The following CCDC30 variants were observed in gnomAD, a reference collection of about 807,000 sequenced individuals.
CCDC30 encodes the protein coiled-coil domain containing 30, also known as coiled-coil domain-containing protein 30.
CCDC30 carries 70 observed loss-of-function variants against 100.2 expected under a neutral mutation model. That is an observed-to-expected ratio of 0.70 (90% CI 0.58 to 0.85). The LOEUF is 0.85. Ranked by LOEUF, CCDC30 falls within the 40% of genes least tolerant of loss-of-function variation. CCDC30 has a pLI of 0.00. For synonymous variants in CCDC30, 233 were observed against 269.5 expected, an observed-to-expected ratio of 0.86 and a Z score of 1.33; for missense variants, 652 against 771.2, an observed-to-expected ratio of 0.85 and a Z score of 1.83.
chr1:42,522,244 T>A (rs554218140), intron 6 of CCDC30, among the ~76,000 whole-genome samples: 8 of 152,196 alleles, frequency 5.3e-5, no homozygotes, highest in Non-Finnish European at 8.8e-5. Context: ...ATGGCAGATA[T>A]GGAACCCACA....
chr1:42,627,784 A>T (rs1407403827), intron 11 of CCDC30, among the ~76,000 whole-genome samples: 1 of 152,242 alleles, frequency 6.6e-6, no homozygotes, highest in East Asian at 1.9e-4. Context: ...ATTCAGGTTT[A>T]GGAACCTCCA....
intron 6 of CCDC30, among the ~76,000 whole-genome samples, chr1:42,538,410 A>G (rs1258406968): frequency 6.6e-6 from 1 of 152,044 alleles, no homozygotes; most frequent in Non-Finnish European, 1.5e-5. Flanking sequence ...ACTGAATATA[A>G]TTAAATAAGC....
At chr1:42,611,210 T>A in intron 11 of CCDC30, 120 bp downstream of exon 15, 1 of 554,552 alleles carries the variant, frequency 1.8e-6, no homozygotes, top group African/African-American at 1.9e-5. Flanking sequence ...AGGGCCATCA[T>A]AAAATTCCTA....
chr1:42,475,351 GT>G (rs556022127), intron 1 of CCDC30, among the ~76,000 whole-genome samples: 1 of 151,780 alleles, frequency 6.6e-6, no homozygotes, highest in Admixed American at 6.6e-5. Flanking sequence ...AAGAAAATGT[GT>G]TTTTTTTAGG....
intron 10 of CCDC30, among the ~76,000 whole-genome samples, chr1:42,601,188 A>G (rs1646398712): frequency 6.6e-6 from 1 of 152,264 alleles, no homozygotes. Flanking sequence ...AGAAATTTCA[A>G]AATATTTTGA....
chr1:42,554,243 A>G (rs1391405423), intron 6 of CCDC30, among the ~76,000 whole-genome samples: 2 of 148,990 alleles, frequency 1.3e-5, no homozygotes, highest in Non-Finnish European at 3.0e-5. Context: ...TTCATATGCA[A>G]TTATTCAAAG....
chr1:42,621,258 C>A (rs1646824097), intron 11 of CCDC30, among the ~76,000 whole-genome samples: 2 of 152,120 alleles, frequency 1.3e-5, no homozygotes, highest in South Asian at 4.1e-4. Context: ...ATGGGGTACT[C>A]ATCCCCTCAA....
chr1:42,495,369 GA>G (rs1304011566), intron 4 of CCDC30, among the ~76,000 whole-genome samples: 1 of 151,976 alleles, frequency 6.6e-6, no homozygotes, highest in Non-Finnish European at 1.5e-5. Flanking sequence ...GGTGGGGAGA[GA>G]GGGGAGGGAT....
intron 6 of CCDC30, among the ~76,000 whole-genome samples, 171 bp downstream of exon 9, chr1:42,545,750 C>T (rs1467733141): frequency 2.6e-5 from 4 of 151,850 alleles, no homozygotes; most frequent in Non-Finnish European, 5.9e-5. Flanking sequence ...AGTTTGAGAC[C>T]AGCCTGGGCA....
chr1:42,528,163 G>A (rs866697636), intron 6 of CCDC30, among the ~76,000 whole-genome samples: 3 of 152,104 alleles, frequency 2.0e-5, no homozygotes, highest in South Asian at 2.1e-4. Context: ...ACTGAGCCCG[G>A]CCTCCTCTAC....
intron 6 of CCDC30, among the ~76,000 whole-genome samples, chr1:42,563,204 C>G (rs1645531239): frequency 6.6e-6 from 1 of 152,122 alleles, no homozygotes; most frequent in Non-Finnish European, 1.5e-5. Flanking sequence ...GGAACCAACT[C>G]AAATGCCCAT....
chr1:42,547,555 A>G (rs577451305), intron 6 of CCDC30, among the ~76,000 whole-genome samples: 1 of 152,278 alleles, frequency 6.6e-6, no homozygotes, highest in South Asian at 2.1e-4. Flanking sequence ...TAGGGGTGGG[A>G]AACCTTGCCA....
intron 4 of CCDC30, chr1:42,491,956 A>G: frequency 1.1e-6 from 1 of 899,398 alleles, no homozygotes. Context: ...AGTCTTGCTG[A>G]TCTGCAGAAT....
At chr1:42,616,715 A>C (rs934087959) in intron 11 of CCDC30, among the ~76,000 whole-genome samples, 2 of 152,222 alleles carry the variant, frequency 1.3e-5, no homozygotes, top group African/African-American at 4.8e-5. Flanking sequence ...GAAAATCTAC[A>C]TGTTCTTCAG....
chr1:42,493,190 G>T (rs1165264827), intron 4 of CCDC30, among the ~76,000 whole-genome samples: 1 of 151,726 alleles, frequency 6.6e-6, no homozygotes, highest in Non-Finnish European at 1.5e-5. Flanking sequence ...AGAACAATAA[G>T]AATATAATTA....
At chr1:42,523,695 C>T (rs1644682580) in intron 6 of CCDC30, among the ~76,000 whole-genome samples, 2 of 152,160 alleles carry the variant, frequency 1.3e-5, no homozygotes, top group Admixed American at 6.5e-5. Flanking sequence ...TCTCTTTCTT[C>T]TGGGACTCCC....
intron 10 of CCDC30, among the ~76,000 whole-genome samples, chr1:42,608,716 C>CAAAAAAA (rs3044834): frequency 1.8e-4 from 10 of 55,406 alleles, no homozygotes; most frequent in African/African-American, 2.3e-4. Flanking sequence ...CTCTCTGTCT[C>CAAAAAAA]AAAAAAAAAA....
intron 11 of CCDC30, among the ~76,000 whole-genome samples, chr1:42,624,761 G>A (rs1243241771): frequency 6.6e-6 from 1 of 152,174 alleles, no homozygotes; most frequent in Non-Finnish European, 1.5e-5. Context: ...TTGCAGACAT[G>A]AGTCCACTGC....
intron 6 of CCDC30, among the ~76,000 whole-genome samples, chr1:42,561,145 C>T (rs1645478110): frequency 6.6e-6 from 1 of 152,124 alleles, no homozygotes; most frequent in South Asian, 2.1e-4. Flanking sequence ...CATGAAGAGA[C>T]ACAACAAAAA....
Sources: allele counts gnomAD v4.1 joint callset (sites outside exome capture counted in the v4.1 genomes callset), GRCh38; gene constraint gnomAD v4.1.1; transcripts MANE v1.5; gene names NCBI Gene and HGNC (gene_info 2026-07-23, HGNC 2026-07-21).